The following CAMTA1 variants were observed in gnomAD, a reference collection of about 807,000 sequenced individuals.
CAMTA1 encodes the protein calmodulin-binding transcription activator 1.
Under a neutral mutation model 170.9 loss-of-function variants are expected in CAMTA1, and 27 were observed. The ratio of observed to expected loss-of-function variants is 0.16; its 90% CI spans 0.12 to 0.22. The LOEUF (loss-of-function observed/expected upper bound fraction) is 0.22, where lower values mean the gene tolerates loss of function less well. Ranked by LOEUF, CAMTA1 falls within the 10% of genes least tolerant of loss-of-function variation. The pLI, the probability that CAMTA1 is intolerant of heterozygous loss-of-function variation, is 1.00. For synonymous variants in CAMTA1, 833 were observed against 891.5 expected (o/e 0.93, Z 1.17); for missense variants, 1,619 against 2,217.2 (o/e 0.73, Z 5.42).
intron 3 of CAMTA1, among the ~76,000 whole-genome samples, chr1:7,030,913 C>T (rs552298567): frequency 1.4e-4 from 21 of 151,338 alleles, no homozygotes; most frequent in Non-Finnish European, 2.1e-4. Context: ...CGGCACACTG[C>T]AAGCTCCGCC....
At chr1:7,129,954 T>TGTGTGTGA (rs1491057275) in intron 4 of CAMTA1, among the ~76,000 whole-genome samples, 4 of 139,182 alleles carry the variant, frequency 2.9e-5, no homozygotes. Context: ...TGTGTGTGTG[T>TGTGTGTGA]GAGATGGAGT....
At chr1:7,079,661 A>G (rs543292729) in intron 3 of CAMTA1, among the ~76,000 whole-genome samples, 172 of 151,806 alleles carry the variant, frequency 1.1e-3, no homozygotes, top group South Asian at 2.1e-3. Context: ...TTAAGTAGAA[A>G]TGGGTTTCAC....
intron 4 of CAMTA1, among the ~76,000 whole-genome samples, chr1:7,225,908 C>T (rs910634905): frequency 2.0e-5 from 3 of 152,158 alleles, no homozygotes; most frequent in African/African-American, 7.2e-5. Context: ...CGAACCTTTC[C>T]GAGCCACTGA....
intron 3 of CAMTA1, among the ~76,000 whole-genome samples, chr1:6,978,383 C>G (rs777026873): frequency 2.6e-4 from 39 of 152,126 alleles, no homozygotes; most frequent in Non-Finnish European, 4.0e-4. Context: ...CCTGTTATCC[C>G]AGCACTTTGG....
intron 6 of CAMTA1, among the ~76,000 whole-genome samples, chr1:7,625,795 CATGT>C (rs1576463552): frequency 6.6e-6 from 1 of 152,294 alleles, no homozygotes; most frequent in East Asian, 1.9e-4. Flanking sequence ...CCTGCAAAGG[CATGT>C]GCTCTGGGAA....
intron 3 of CAMTA1, among the ~76,000 whole-genome samples, chr1:6,999,931 A>G (rs1697960173): frequency 6.6e-6 from 1 of 152,158 alleles, no homozygotes; most frequent in South Asian, 2.1e-4. Context: ...TGACCCTGAC[A>G]GGTTCTTTTC....
At chr1:7,616,794 C>G (rs890980919) in intron 6 of CAMTA1, among the ~76,000 whole-genome samples, 2 of 152,058 alleles carry the variant, frequency 1.3e-5, no homozygotes, top group African/African-American at 4.8e-5. Context: ...GAGGGGTGAG[C>G]GCAGAAGCTG....
chr1:6,859,137 C>G (rs1237159703), intron 3 of CAMTA1, among the ~76,000 whole-genome samples: 1 of 152,148 alleles, frequency 6.6e-6, no homozygotes, highest in Non-Finnish European at 1.5e-5. Context: ...TAGGAGATAA[C>G]CATTGTGAGC....
At chr1:7,394,962 A>C (rs925894922) in intron 5 of CAMTA1, among the ~76,000 whole-genome samples, 2 of 151,440 alleles carry the variant, frequency 1.3e-5, no homozygotes, top group African/African-American at 4.9e-5. Context: ...AGCTCACTGC[A>C]ACCTCTGCCT....
chr1:6,816,402 A>T (rs1645818576), intron 1 of CAMTA1, among the ~76,000 whole-genome samples: 1 of 152,180 alleles, frequency 6.6e-6, no homozygotes, highest in Non-Finnish European at 1.5e-5. Context: ...GCTTGCGAAC[A>T]GTGTCTGGTA....
At chr1:6,923,257 G>A (rs1209494223) in intron 3 of CAMTA1, among the ~76,000 whole-genome samples, 4 of 152,120 alleles carry the variant, frequency 2.6e-5, no homozygotes, top group Non-Finnish European at 4.4e-5. Flanking sequence ...ATGTGGAAGC[G>A]AGAGGGGTCC....
At position 7,680,661 on chromosome 1, in the gene CAMTA1, C is replaced by T. The variant is rs753535750; in HGVS notation, c.2914+2928C>T. ...ACAGGCCTTCGGTGGGCGGCGAGCC[C>T]TGGCTCCCTCGTTCGGTGGCCTCTG... On this transcript the variant is annotated intron_variant, in intron 11 of 22. Coordinates refer to ENST00000303635, the MANE Select transcript of CAMTA1 (RefSeq NM_015215.4). This position sits in a 1 kb window ranked among gnomAD's most constrained non-coding sequence, Gnocchi z 4.4. 9.7e-4 allele frequency among the ~76,000 whole-genome samples: 148 copies of T among 152,138 alleles called. No homozygotes were observed. The highest frequency in any genetic ancestry group is 1.8e-3 in the Non-Finnish European group (123 of 67,954).
At chr1:7,392,667 A>G (rs1379325140) in intron 5 of CAMTA1, among the ~76,000 whole-genome samples, 1 of 151,752 alleles carries the variant, frequency 6.6e-6, no homozygotes, top group Non-Finnish European at 1.5e-5. Flanking sequence ...TGAGCTCAGG[A>G]GTTCGAGACC....
At chr1:7,669,859 A>G (rs996788594) in intron 9 of CAMTA1, among the ~76,000 whole-genome samples, 2 of 152,192 alleles carry the variant, frequency 1.3e-5, no homozygotes, top group Non-Finnish European at 2.9e-5. Flanking sequence ...CTAAGCCGTA[A>G]GTAGGGGACC....
rs1661341827 is a variant in CAMTA1 at position 7,224,457 on chromosome 1, C to T, written c.303-25034C>T. Among the ~76,000 whole-genome samples, 1 of 152,170 alleles carries T rather than the reference C, an allele frequency of 6.6e-6. No homozygotes were observed. Among genetic ancestry groups the T allele is most frequent in the East Asian group, 1.9e-4 (1 of 5,194 alleles). ...TGAATCTGAGAAGGTTTTCATGTTCCCAACGAGATCCAAGAGCAAAACAGT... is the reference window on the plus strand; with the variant it reads ...TGAATCTGAGAAGGTTTTCATGTTCTCAACGAGATCCAAGAGCAAAACAGT... On this transcript the variant is annotated intron_variant, in intron 4 of 22. Transcript: ENST00000303635. This position sits in a 1 kb window ranked among gnomAD's most constrained non-coding sequence, Gnocchi z 5.2.
At chr1:7,709,698 AT>A (rs1374568426) in intron 11 of CAMTA1, among the ~76,000 whole-genome samples, 1 of 152,202 alleles carries the variant, frequency 6.6e-6, no homozygotes, top group Non-Finnish European at 1.5e-5. Flanking sequence ...CTTTCATATA[AT>A]ACAGCAGGAT....
intron 5 of CAMTA1, among the ~76,000 whole-genome samples, chr1:7,464,254 C>A (rs1404868478): frequency 6.6e-6 from 1 of 152,172 alleles, no homozygotes; most frequent in Admixed American, 6.5e-5. Flanking sequence ...GCGTGTGCAC[C>A]TCACACGCGG....
chr1:7,475,133 T>C (rs540793531), intron 6 of CAMTA1, among the ~76,000 whole-genome samples: 1 of 152,388 alleles, frequency 6.6e-6, no homozygotes, highest in African/African-American at 2.4e-5. Context: ...TTTCTTCTTT[T>C]TTAAAAATCT....
At chr1:6,858,084 G>A (rs1057176070) in intron 3 of CAMTA1, among the ~76,000 whole-genome samples, 7 of 152,312 alleles carry the variant, frequency 4.6e-5, no homozygotes, top group African/African-American at 1.7e-4. Flanking sequence ...GAAGGAATGA[G>A]GAGTGGGATA....
Sources: gnomAD v4.1 joint callset for allele counts (sites outside exome capture counted in the v4.1 genomes callset) on GRCh38, gnomAD v4.1.1 for gene constraint, Gnocchi (gnomAD v3.1) non-coding constraint, MANE v1.5 for transcripts, NCBI Gene and HGNC (gene_info 2026-07-23, HGNC 2026-07-21) for gene names.